FILIP1L: variants seen among roughly 807,000 people sequenced by gnomAD.
FILIP1L encodes the protein filamin A-interacting protein 1-like.
FILIP1L carries 55 observed loss-of-function variants against 96.6 expected under a neutral mutation model. That is an observed-to-expected ratio of 0.57 (90% confidence interval 0.46 to 0.71). FILIP1L has a LOEUF of 0.71. Among genes scored for constraint, FILIP1L ranks in the 30% least tolerant of loss-of-function variants. The pLI is 0.00. For missense variants in FILIP1L, 1,304 were observed against 1,321.2 expected (o/e 0.99, Z 0.20); for synonymous variants, 467 against 473.9 (o/e 0.99, Z 0.19).
chr3:99,917,256 G>C (rs1336109014), intron 4 of FILIP1L, among the ~76,000 whole-genome samples: 1 of 152,132 alleles, frequency 6.6e-6, no homozygotes, highest in Non-Finnish European at 1.5e-5. Flanking sequence ...TGCAACAGTG[G>C]TGTCTGTGCC....
chr3:100,037,718 A>T (rs1462170463), intron 1 of FILIP1L, among the ~76,000 whole-genome samples: 1 of 152,194 alleles, frequency 6.6e-6, no homozygotes, highest in Non-Finnish European at 1.5e-5. Context: ...TTCTCTATGC[A>T]TCTTGCTTGC....
intron 4 of FILIP1L, among the ~76,000 whole-genome samples, chr3:99,852,531 T>C (rs894642049): frequency 6.6e-6 from 1 of 152,090 alleles, no homozygotes; most frequent in Non-Finnish European, 1.5e-5. Context: ...CTGCAACCTC[T>C]GACTCCCTGG....
In FILIP1L at chr3:99,849,969, G is replaced by T. The variant is rs980786696; in HGVS notation, c.1707C>A (p.Asn569Lys). 4.5e-5 allele frequency: 73 copies of T among 1,612,330 alleles called. No individual in the cohort carries two copies. The highest frequency in any genetic ancestry group is 5.9e-5 in the Non-Finnish European group (70 of 1,179,624). ...SVTKERDDLK[N>K]KLKAEEEKGN... ...CTTTCTCTTCTTCCGCTTTCAATTT[G>T]TTTTTTAAATCATCTCTCTCCTTGG... The change falls in exon 5 of 6, where the codon AAC becomes AAA. Residue 569 changes from asparagine (N) to lysine (K), a missense_variant. By Grantham distance (94) the Asn-to-Lys change is moderately conservative. Coordinates refer to ENST00000477258, the MANE Select transcript of FILIP1L (RefSeq NM_001387850.1).
chr3:99,952,138 C>T (rs972087352), intron 1 of FILIP1L, among the ~76,000 whole-genome samples: 2 of 151,664 alleles, frequency 1.3e-5, no homozygotes, highest in South Asian at 2.1e-4. Context: ...TGTTAAGAGT[C>T]GCACAGACCA....
chr3:99,934,260 T>C (rs1707586278), intron 1 of FILIP1L, among the ~76,000 whole-genome samples: 1 of 152,158 alleles, frequency 6.6e-6, no homozygotes, highest in African/African-American at 2.4e-5. Context: ...CAAGGCCACA[T>C]TGCAAAGGAA....
chr3:99,913,987 G>A (rs1345001186), intron 4 of FILIP1L, among the ~76,000 whole-genome samples: 3 of 152,204 alleles, frequency 2.0e-5, no homozygotes, highest in African/African-American at 7.2e-5. Flanking sequence ...TTAAAGAAGT[G>A]AGGATTGGCA....
In FILIP1L at chr3:99,990,597, A is replaced by G. The variant is rs375976862; in HGVS notation, c.-10-59567T>C. 1.1e-4 allele frequency among the ~76,000 whole-genome samples: 16 copies of G among 152,284 alleles called. 1 individual carries two copies. The South Asian group carries it at 2.9e-3, about 28-fold the overall frequency. ...ACTGGAGAGCCTCTAAATAATACCA[A>G]TTCTTGTGCTTCACTTAAAACCAAT... On this transcript the variant is annotated intron_variant, in intron 1 of 5. Transcript: ENST00000477258.
intron 4 of FILIP1L, among the ~76,000 whole-genome samples, chr3:99,906,087 C>T (rs182404717): frequency 3.0e-4 from 45 of 152,090 alleles, no homozygotes; most frequent in African/African-American, 1.0e-3. Flanking sequence ...CAGCTACCTG[C>T]GGGGGCTGAG....
At chr3:99,907,846 C>T (rs1706670517) in intron 4 of FILIP1L, among the ~76,000 whole-genome samples, 1 of 152,322 alleles carries the variant, frequency 6.6e-6, no homozygotes, top group East Asian at 1.9e-4. Context: ...AATCAGTGAT[C>T]ACCTCTTTTT....
At chr3:99,959,027 C>T (rs748063304) in intron 1 of FILIP1L, among the ~76,000 whole-genome samples, 19 of 151,594 alleles carry the variant, frequency 1.3e-4, no homozygotes, top group South Asian at 1.0e-3. Flanking sequence ...TTTTTTAATC[C>T]GATAAATTAT....
intron 1 of FILIP1L, among the ~76,000 whole-genome samples, chr3:100,088,485 G>C (rs1455040917): frequency 1.3e-5 from 2 of 152,114 alleles, no homozygotes; most frequent in Non-Finnish European, 2.9e-5. Context: ...TTTAAAACCT[G>C]AATCATTTCA....
At chr3:99,843,774 T>A (rs1943238523) in intron 5 of FILIP1L, among the ~76,000 whole-genome samples, 1 of 152,074 alleles carries the variant, frequency 6.6e-6, no homozygotes, top group African/African-American at 2.4e-5. Context: ...CATGGCTTGT[T>A]AGGAGCCGAG....
In FILIP1L at chr3:99,963,589, G is replaced by A. The variant is rs9829693; in HGVS notation, c.-10-32559C>T. On this transcript the variant is annotated intron_variant, in intron 1 of 5. Transcript: ENST00000477258. Reference sequence around the variant, plus strand: ...TTTAGCACTCCTCTTTGCCTTGATGGTGTTACCTGAATATGCATCCATTTT... The same window carrying A: ...TTTAGCACTCCTCTTTGCCTTGATGATGTTACCTGAATATGCATCCATTTT... Among the ~76,000 whole-genome samples the A allele has an allele frequency of 5.0e-3, 757 of 152,086 alleles. 5 individuals are homozygous for A. Among genetic ancestry groups the A allele is most frequent in the African/African-American group, 0.017 (711 of 41,470 alleles).
At chr3:99,835,778 A>G (rs145835289) in intron 5 of FILIP1L, among the ~76,000 whole-genome samples, 4 of 152,376 alleles carry the variant, frequency 2.6e-5, no homozygotes, top group East Asian at 1.9e-4. Context: ...ATGACGTGCA[A>G]TAATAGAATT....
chr3:99,929,718 A>G (rs1020146545), intron 3 of FILIP1L, 138 bp downstream of exon 3: 3 of 561,896 alleles, frequency 5.3e-6, no homozygotes, highest in Non-Finnish European at 8.8e-6. Context: ...AACTTGTCGT[A>G]TTTATCTGTT....
intron 1 of FILIP1L, among the ~76,000 whole-genome samples, chr3:100,080,136 T>TA (rs1317787827): frequency 4.6e-5 from 7 of 152,046 alleles, no homozygotes; most frequent in Admixed American, 2.0e-4. Flanking sequence ...CTTTAATTAA[T>TA]AAAAAATTAA....
chr3:99,991,862 G>GTA (rs778476697), intron 1 of FILIP1L, among the ~76,000 whole-genome samples: 114 of 147,594 alleles, frequency 7.7e-4, no homozygotes, highest in African/African-American at 2.6e-3. Context: ...GTGTGTATGT[G>GTA]TATATATATA....
chr3:99,981,198 G>A (rs1284123275), intron 1 of FILIP1L, among the ~76,000 whole-genome samples: 1 of 152,120 alleles, frequency 6.6e-6, no homozygotes, highest in East Asian at 1.9e-4. Flanking sequence ...CCTGACTTTT[G>A]TTATTTTATA....
In FILIP1L at chr3:99,929,930, C is replaced by G. The variant is rs933349817; in HGVS notation, c.352G>C (p.Ala118Pro). 2 of 1,614,050 alleles carry G rather than the reference C, an allele frequency of 1.2e-6. No individual in the cohort carries two copies. Among genetic ancestry groups the G allele is most frequent in the Non-Finnish European group, 1.7e-6 (2 of 1,179,996 alleles). The part of the protein sequence containing the change: ...GFVTPKKVLE[A>P]LQRDAFQAKS... ...GCTTGAAAAGCATCTCTCTGGAGAG[C>G]CTCTAACACCTTTTTTGGAGTGACA... Residue 118 changes from alanine to proline, a missense_variant, in exon 3 of 6, where the codon GCT (alanine) becomes CCT (proline). Ala to Pro is a conservative substitution (Grantham distance 27). Coordinates refer to ENST00000477258, the MANE Select transcript of FILIP1L (RefSeq NM_001387850.1).
Sources: gnomAD v4.1 joint callset for allele counts (sites outside exome capture counted in the v4.1 genomes callset) on GRCh38, gnomAD v4.1.1 for gene constraint, MANE v1.5 for transcripts, NCBI Gene and HGNC (gene_info 2026-07-23, HGNC 2026-07-21) for gene names.